AGBL4: variants seen among roughly 807,000 people sequenced by gnomAD.
The protein encoded by AGBL4 is AGBL carboxypeptidase 4.
A neutral mutation model predicts 66.4 loss-of-function variants in AGBL4; 58 were observed. The ratio of observed to expected loss-of-function variants is 0.87; its 90% CI spans 0.71 to 1.09. The LOEUF is 1.09. AGBL4 is among the 50% of genes least tolerant of loss of function. AGBL4 has a pLI of 0.00. For missense variants in AGBL4, 579 were observed against 631.0 expected, an observed-to-expected ratio of 0.92 and a Z score of 0.88; for synonymous variants, 234 against 222.9, an observed-to-expected ratio of 1.05 and a Z score of -0.44.
At chr1:49,361,474 A>G (rs1644133189) in intron 3 of AGBL4, among the ~76,000 whole-genome samples, 1 of 152,084 alleles carries the variant, frequency 6.6e-6, no homozygotes, top group East Asian at 1.9e-4. Flanking sequence ...ACAGGTGCCC[A>G]CCATCATGCC....
intron 5 of AGBL4, among the ~76,000 whole-genome samples, chr1:48,895,129 C>T (rs1181733456): frequency 6.6e-6 from 1 of 152,182 alleles, no homozygotes; most frequent in African/African-American, 2.4e-5. Context: ...CTAATAATAT[C>T]CCACCATTTC....
chr1:49,516,670 T>A lies in AGBL4; in HGVS notation c.282+180643A>T, dbSNP rs1351723818. Among the ~76,000 whole-genome samples, 3 of 152,000 alleles carry A rather than the reference T, an allele frequency of 2.0e-5. No homozygotes were observed. The East Asian group carries it at 5.8e-4, about 29-fold the overall frequency. On this transcript the variant is annotated intron_variant, in intron 3 of 13. Coordinates refer to ENST00000371839, the MANE Select transcript of AGBL4 (RefSeq NM_032785.4). ...AACCAGGAGAGGATATGTGATTAGA[T>A]TTGCATTTTATAAAGATTCTTCTGA...
intron 3 of AGBL4, among the ~76,000 whole-genome samples, chr1:49,398,110 T>A (rs151123316): frequency 6.6e-6 from 1 of 152,236 alleles, no homozygotes; most frequent in African/African-American, 2.4e-5. Flanking sequence ...GTTAATTATA[T>A]GTGTCAATTG....
At chr1:49,566,772 C>T (rs1644216426) in intron 3 of AGBL4, among the ~76,000 whole-genome samples, 1 of 126,702 alleles carries the variant, frequency 7.9e-6, no homozygotes, top group Non-Finnish European at 1.9e-5. Context: ...GCAGTCTGCC[C>T]ATTCTCAGAT....
At chr1:48,733,924 C>T (rs1300163274) in intron 6 of AGBL4, among the ~76,000 whole-genome samples, 1 of 152,122 alleles carries the variant, frequency 6.6e-6, no homozygotes, top group South Asian at 2.1e-4. Flanking sequence ...CTGAAGGAGA[C>T]ACACAGCAGA....
chr1:48,634,365 C>T (rs1645635253), intron 9 of AGBL4, 128 bp downstream of exon 9: 2 of 681,280 alleles, frequency 2.9e-6, no homozygotes, highest in South Asian at 3.9e-5. Flanking sequence ...AAGAGCAGGC[C>T]TAGTGCCTCC....
chr1:49,376,502 C>T (rs1198946360), intron 3 of AGBL4, among the ~76,000 whole-genome samples: 1 of 152,086 alleles, frequency 6.6e-6, no homozygotes, highest in South Asian at 2.1e-4. Flanking sequence ...TAAGAGCTTC[C>T]TCCCCTTATC....
chr1:49,978,275 C>T (rs983278968), intron 1 of AGBL4, among the ~76,000 whole-genome samples: 1 of 151,978 alleles, frequency 6.6e-6, no homozygotes, highest in Non-Finnish European at 1.5e-5. Context: ...ATAGCAAGAT[C>T]CTGTCTTTAC....
intron 3 of AGBL4, among the ~76,000 whole-genome samples, chr1:49,695,773 T>C (rs1467399658): frequency 1.3e-5 from 2 of 152,258 alleles, no homozygotes; most frequent in East Asian, 3.9e-4. Flanking sequence ...TCCTTCCTGT[T>C]GGCCCCTAAA....
chr1:49,110,072 T>C (rs1204407828), intron 4 of AGBL4, among the ~76,000 whole-genome samples: 6 of 152,232 alleles, frequency 3.9e-5, no homozygotes, highest in African/African-American at 7.2e-5. Flanking sequence ...TGCATTGGCA[T>C]TTACACTACA....
intron 4 of AGBL4, among the ~76,000 whole-genome samples, chr1:49,209,518 T>G (rs1648501075): frequency 6.6e-6 from 1 of 152,068 alleles, no homozygotes; most frequent in Non-Finnish European, 1.5e-5. Flanking sequence ...GGTGCATTAA[T>G]AGAGGACATT....
chr1:49,515,671 A>C (rs1321617640), intron 3 of AGBL4, among the ~76,000 whole-genome samples: 1 of 151,852 alleles, frequency 6.6e-6, no homozygotes, highest in Non-Finnish European at 1.5e-5. Context: ...GGATTAAGAA[A>C]ATGTGGCACA....
chr1:49,371,280 CATACAT>C (rs1437925005), intron 3 of AGBL4, among the ~76,000 whole-genome samples: 4 of 151,930 alleles, frequency 2.6e-5, no homozygotes, highest in Admixed American at 6.6e-5. Flanking sequence ...TACATACATA[CATACAT>C]ACACACACAC....
chr1:49,701,309 T>C (rs947283140), intron 2 of AGBL4, among the ~76,000 whole-genome samples: 1 of 151,628 alleles, frequency 6.6e-6, no homozygotes, highest in Non-Finnish European at 1.5e-5. Context: ...AAAAATGTAA[T>C]GTATACACAT....
At chr1:49,637,341 C>T (rs1403520098) in intron 3 of AGBL4, among the ~76,000 whole-genome samples, 1 of 151,918 alleles carries the variant, frequency 6.6e-6, no homozygotes, top group Non-Finnish European at 1.5e-5. Flanking sequence ...TGCTCTGTCA[C>T]CCAGGCTGGA....
chr1:49,425,406 T>C (rs981566558), intron 3 of AGBL4, among the ~76,000 whole-genome samples: 1 of 152,128 alleles, frequency 6.6e-6, no homozygotes, highest in Non-Finnish European at 1.5e-5. Flanking sequence ...ATTATATAAG[T>C]GTTTCAGGAG....
chr1:49,157,083 T>C (rs1056272146), intron 4 of AGBL4, among the ~76,000 whole-genome samples: 3 of 152,134 alleles, frequency 2.0e-5, no homozygotes, highest in Non-Finnish European at 4.4e-5. Flanking sequence ...ACTTTTTTCA[T>C]TTTTATTTTT....
intron 11 of AGBL4, chr1:48,586,507 G>C (rs1291451297): frequency 6.2e-6 from 1 of 161,136 alleles, no homozygotes; most frequent in East Asian, 1.8e-4. Flanking sequence ...GAACAAGGGT[G>C]AGAAAAGTAA....
intron 5 of AGBL4, among the ~76,000 whole-genome samples, chr1:48,908,613 G>C (rs1329181368): frequency 1.3e-5 from 2 of 152,172 alleles, no homozygotes; most frequent in African/African-American, 2.4e-5. Context: ...TATGTTATCT[G>C]ATTTAATTCT....
Sources: allele counts gnomAD v4.1 joint callset (sites outside exome capture counted in the v4.1 genomes callset), GRCh38; gene constraint gnomAD v4.1.1; transcripts MANE v1.5; gene names NCBI Gene and HGNC (gene_info 2026-07-23, HGNC 2026-07-21).